The following NIM1K variants were observed in gnomAD, a reference collection of about 807,000 sequenced individuals.
NIM1K encodes the protein serine/threonine-protein kinase NIM1.
A neutral mutation model predicts 37.1 loss-of-function variants in NIM1K; 35 were observed. The observed-to-expected ratio is 0.94, with a 90% CI of 0.72 to 1.25. NIM1K has a LOEUF of 1.25. Ranked by LOEUF, NIM1K falls within the 50% of genes most tolerant of loss-of-function variation. The probability of loss-of-function intolerance (pLI) is 0.00; values close to 1 mark genes in which losing one functional copy is unlikely to be tolerated. For missense variants in NIM1K, 564 were observed against 548.0 expected (o/e 1.03, Z -0.29); for synonymous variants, 234 against 206.6 (o/e 1.13, Z -1.14).
chr5:43,214,691 C>T (rs1752272285), intron 1 of NIM1K, among the ~76,000 whole-genome samples: 1 of 151,750 alleles, frequency 6.6e-6, no homozygotes, highest in Non-Finnish European at 1.5e-5. Flanking sequence ...TAGCGGGTGC[C>T]TGTAGTCCCA....
chr5:43,210,324 G>A (rs1357628528), intron 1 of NIM1K, among the ~76,000 whole-genome samples: 1 of 152,156 alleles, frequency 6.6e-6, no homozygotes, highest in Non-Finnish European at 1.5e-5. Context: ...AACAAATTTT[G>A]TGCTCAGTAA....
intron 2 of NIM1K, among the ~76,000 whole-genome samples, chr5:43,248,858 T>G (rs1049097832): frequency 1.3e-5 from 2 of 151,546 alleles, no homozygotes; most frequent in Non-Finnish European, 2.9e-5. Flanking sequence ...AGTCTTTTTT[T>G]TTTTTAAATT....
chr5:43,192,397 G>C lies in NIM1K; in HGVS notation c.-709G>C, dbSNP rs1751846932. 6.6e-6 allele frequency: 1 copy of C among 152,478 alleles called. No individual in the cohort carries two copies. Among genetic ancestry groups the C allele is most frequent in the African/African-American group, 2.4e-5 (1 of 41,474 alleles). The allele number at this position is 152,478 out of a possible 1,614,324, so 9.4% of individuals were successfully genotyped here. A position where few individuals can be genotyped will look rare whatever the true frequency, so the allele number is the denominator to read the frequency against. On this transcript the variant is annotated 5_prime_UTR_variant, in exon 1 of 4. Transcript: ENST00000326035. ...CGCCGTGCAGCGAAGCCCAAGAGCT[G>C]GCCTCGCCACGAAGGTAAGCGAGGG... is the stretch of plus-strand genomic sequence containing the variant.
At chr5:43,234,238 A>ATTCT (rs956068050) in intron 1 of NIM1K, among the ~76,000 whole-genome samples, 1 of 84,592 alleles carries the variant, frequency 1.2e-5, no homozygotes, top group African/African-American at 3.4e-5. Context: ...ATGTCGTGTC[A>ATTCT]TTCTTTCATT....
intron 1 of NIM1K, among the ~76,000 whole-genome samples, chr5:43,215,135 C>CT (rs1191548531): frequency 1.3e-5 from 2 of 152,140 alleles, no homozygotes; most frequent in Admixed American, 1.3e-4. Flanking sequence ...CACTTACCTC[C>CT]TTGGGGAAAT....
intron 2 of NIM1K, among the ~76,000 whole-genome samples, chr5:43,246,605 GGCT>G (rs1269447216): frequency 6.6e-6 from 1 of 152,208 alleles, no homozygotes; most frequent in Non-Finnish European, 1.5e-5. Flanking sequence ...TCCATCCAGA[GGCT>G]GCGACTTCTG....
rs767682166 is a variant in NIM1K, at chr5:43,277,168, G to T, written c.404G>T (p.Arg135Leu). The T allele has an allele frequency of 1.9e-6, 3 of 1,614,042 alleles. No individual in the cohort carries two copies. The highest frequency in any genetic ancestry group is 2.5e-6 in the Non-Finnish European group (3 of 1,179,984). Reference sequence around the variant, plus strand: ...AAGCTGCACCATCCCAACATCATCCGCCTTTACGAAGTGGTGGAGACCCTA... The same window carrying T: ...AAGCTGCACCATCCCAACATCATCCTCCTTTACGAAGTGGTGGAGACCCTA... The part of the protein sequence containing the change: ...MEKLHHPNII[R>L]LYEVVETLSK... Residue 135 changes from arginine to leucine, a missense_variant, in exon 3 of 4, where the codon CGC becomes CTC. Physicochemically the swap from Arg to Leu is moderately radical, Grantham distance 102. Coordinates refer to ENST00000326035, the MANE Select transcript of NIM1K (RefSeq NM_153361.4).
intron 1 of NIM1K, among the ~76,000 whole-genome samples, chr5:43,215,544 C>T (rs1439842931): frequency 6.6e-6 from 1 of 152,228 alleles, no homozygotes; most frequent in Non-Finnish European, 1.5e-5. Flanking sequence ...GGTGATTCTC[C>T]TGCCTCATCA....
intron 1 of NIM1K, among the ~76,000 whole-genome samples, chr5:43,202,745 A>T (rs1283003996): frequency 1.3e-5 from 2 of 151,788 alleles, no homozygotes; most frequent in Admixed American, 1.3e-4. Flanking sequence ...GAAAAAGGTC[A>T]GTGTGAAAAC....
rs1028949163 is a variant in NIM1K, at chr5:43,222,796, CAA to C, written c.-694-22284_-694-22283del. On this transcript the variant is annotated intron_variant, in intron 1 of 3. Coordinates refer to ENST00000326035, the MANE Select transcript of NIM1K (RefSeq NM_153361.4). ...GTAGCAGGCTAGAGACAGCATATATCAAAGTGTTCAGCTTACCTTATACCAAG... is the reference window on the plus strand; with the variant it reads ...GTAGCAGGCTAGAGACAGCATATATCAGTGTTCAGCTTACCTTATACCAAG... 1.3e-4 allele frequency among the ~76,000 whole-genome samples: 19 copies of C among 151,902 alleles called. No homozygotes were observed. The East Asian group carries it at 1.7e-3, about 14-fold the overall frequency.
chr5:43,213,395 T>G (rs1348613111), intron 1 of NIM1K, among the ~76,000 whole-genome samples: 2 of 151,424 alleles, frequency 1.3e-5, no homozygotes, highest in Non-Finnish European at 2.9e-5. Context: ...AGCGGCACGA[T>G]CTTGGCTCGC....
At chr5:43,204,081 G>GTTTTTTTTTTTTTTTTTTTTT (rs70994605) in intron 1 of NIM1K, among the ~76,000 whole-genome samples, 1 of 85,372 alleles carries the variant, frequency 1.2e-5, no homozygotes, top group African/African-American at 4.7e-5. Flanking sequence ...AGTTCCAATG[G>GTTTTTTTTTTTTTTTTTTTTT]TTTTTTTTTT....
At chr5:43,214,502 C>A (rs1051332632) in intron 1 of NIM1K, among the ~76,000 whole-genome samples, 11 of 152,232 alleles carry the variant, frequency 7.2e-5, no homozygotes, top group Admixed American at 7.2e-4. Flanking sequence ...TGAATAGTGA[C>A]TATCATGAAG....
At chr5:43,196,140 A>G (rs1194079772) in intron 1 of NIM1K, among the ~76,000 whole-genome samples, 1 of 152,108 alleles carries the variant, frequency 6.6e-6, no homozygotes, top group Non-Finnish European at 1.5e-5. Context: ...CTAGCTGCTC[A>G]TTAGATCTTT....
At chr5:43,231,779 C>CT in intron 1 of NIM1K, 1 of 1,196,304 alleles carries the variant, frequency 8.4e-7, no homozygotes, top group Non-Finnish European at 1.2e-6. Context: ...ATAAGCTTCC[C>CT]TGTAAAAGCA....
intron 1 of NIM1K, among the ~76,000 whole-genome samples, chr5:43,193,985 T>A (rs1165637741): frequency 1.3e-5 from 2 of 152,216 alleles, no homozygotes; most frequent in African/African-American, 4.8e-5. Context: ...TGTTGTTGTT[T>A]TTTTTATTTT....
intron 1 of NIM1K, among the ~76,000 whole-genome samples, chr5:43,197,984 T>A (rs1444567702): frequency 6.6e-6 from 1 of 152,188 alleles, no homozygotes; most frequent in East Asian, 1.9e-4. Flanking sequence ...GAAGGAGTAT[T>A]CCATAGTAGA....
At chr5:43,205,006 G>GAAC (rs374930284) in intron 1 of NIM1K, among the ~76,000 whole-genome samples, 13 of 152,058 alleles carry the variant, frequency 8.5e-5, no homozygotes, top group African/African-American at 2.9e-4. Context: ...AAAAAAACAC[G>GAAC]AACAACAACA....
At chr5:43,206,371 G>T (rs1195308464) in intron 1 of NIM1K, among the ~76,000 whole-genome samples, 17 of 137,506 alleles carry the variant, frequency 1.2e-4, no homozygotes, top group African/African-American at 4.7e-4. Context: ...GGGGTGGTGC[G>T]TTCCTGTAGT....
Sources: allele counts gnomAD v4.1 joint callset (sites outside exome capture counted in the v4.1 genomes callset), GRCh38; gene constraint gnomAD v4.1.1; transcripts MANE v1.5; gene names NCBI Gene and HGNC (gene_info 2026-07-23, HGNC 2026-07-21).